MC2R: variants seen among roughly 807,000 people sequenced by gnomAD.
MC2R encodes adrenocorticotropic hormone receptor.
Under a neutral mutation model 9.8 loss-of-function variants are expected in MC2R, and 9 were observed. The observed-to-expected ratio is 0.92, with a 90% CI of 0.55 to 1.60. The LOEUF (loss-of-function observed/expected upper bound fraction) is 1.60, where lower values mean the gene tolerates loss of function less well. Among genes scored for constraint, MC2R ranks in the 40% most tolerant of loss-of-function variants. The probability of loss-of-function intolerance (pLI) is 0.00; values close to 1 mark genes in which losing one functional copy is unlikely to be tolerated. For missense variants in MC2R, 370 were observed against 389.0 expected, an observed-to-expected ratio of 0.95 and a Z score of 0.41; for synonymous variants, 185 against 154.7, an observed-to-expected ratio of 1.20 and a Z score of -1.45.
At chr18:13,909,588 T>C (rs2149143745) in intron 1 of MC2R, among the ~76,000 whole-genome samples, 1 of 152,360 alleles carries the variant, frequency 6.6e-6, no homozygotes, top group South Asian at 2.1e-4. Flanking sequence ...TATGTTTCTA[T>C]CAGTATGAAT....
chr18:13,884,445 C>T lies in MC2R; in HGVS notation c.*180G>A, dbSNP rs1450540417. ...TCCAGTCACAAAGTTAAGAGGTTGCCCCTACAATAAGACTGTTCACATAGA... is the reference window on the plus strand; with the variant it reads ...TCCAGTCACAAAGTTAAGAGGTTGCTCCTACAATAAGACTGTTCACATAGA... On this transcript the variant is annotated 3_prime_UTR_variant, in exon 2 of 2. Transcript: ENST00000327606. 1.8e-5 allele frequency: 12 copies of T among 683,834 alleles called. No homozygotes were observed. Among genetic ancestry groups the T allele is most frequent in the Non-Finnish European group, 3.1e-5 (12 of 386,816 alleles). The allele number at this position is 683,834 out of a possible 1,614,324, so 42.4% of individuals were successfully genotyped here. A position where few individuals can be genotyped will look rare whatever the true frequency, so the allele number is the denominator to read the frequency against.
chr18:13,910,958 T>C (rs1314505561), intron 1 of MC2R, among the ~76,000 whole-genome samples: 1 of 152,242 alleles, frequency 6.6e-6, no homozygotes, highest in East Asian at 1.9e-4. Flanking sequence ...AAATGCTTCC[T>C]TTTTGAATTC....
intron 1 of MC2R, among the ~76,000 whole-genome samples, chr18:13,893,161 C>T (rs935589082): frequency 1.3e-5 from 2 of 152,188 alleles, no homozygotes; most frequent in African/African-American, 4.8e-5. Context: ...TTTGTGATGG[C>T]TTCCACCCAA....
At chr18:13,890,516 G>A (rs1202481874) in intron 1 of MC2R, among the ~76,000 whole-genome samples, 1 of 152,158 alleles carries the variant, frequency 6.6e-6, no homozygotes, top group Non-Finnish European at 1.5e-5. Context: ...GGTGGGAGCT[G>A]TCACGCGGCT....
chr18:13,896,606 G>A (rs1307061645), intron 1 of MC2R, among the ~76,000 whole-genome samples: 2 of 152,068 alleles, frequency 1.3e-5, no homozygotes, highest in East Asian at 1.9e-4. Flanking sequence ...CAAAATCCAG[G>A]TAGCAATTTT....
chr18:13,899,971 C>T lies in MC2R; in HGVS notation c.-128-14325G>A, dbSNP rs190908960. ...CAGAAAAGCACAGAATATCATAACA[C>T]TGTAACTGTGCTGTATGAACTACTC... On this transcript the variant is annotated intron_variant, in intron 1 of 1. Transcript: ENST00000327606. 1.2e-3 allele frequency among the ~76,000 whole-genome samples: 181 copies of T among 152,124 alleles called. 4 individuals are homozygous for T. In the Middle Eastern group the frequency reaches 0.017, roughly 14 times the overall value.
intron 1 of MC2R, among the ~76,000 whole-genome samples, chr18:13,901,719 G>C (rs1446483674): frequency 6.6e-6 from 1 of 151,958 alleles, no homozygotes; most frequent in African/African-American, 2.4e-5. Context: ...ATAACAAATA[G>C]CAAGATTGAA....
chr18:13,902,014 A>G (rs2045383107), intron 1 of MC2R, among the ~76,000 whole-genome samples: 1 of 152,078 alleles, frequency 6.6e-6, no homozygotes, highest in South Asian at 2.1e-4. Flanking sequence ...GGCAAACCAA[A>G]TTCAACAATA....
chr18:13,914,443 A>G (rs1372928740), intron 1 of MC2R, among the ~76,000 whole-genome samples: 3 of 152,154 alleles, frequency 2.0e-5, no homozygotes. Context: ...TCTAGGCATG[A>G]ATGTGTGAGC....
intron 1 of MC2R, among the ~76,000 whole-genome samples, chr18:13,911,435 C>CA (rs2045443824): frequency 6.6e-6 from 1 of 152,188 alleles, no homozygotes; most frequent in Admixed American, 6.5e-5. Context: ...TTTAGTTAGC[C>CA]AAACAAATGC....
At chr18:13,909,454 C>G (rs1279381020) in intron 1 of MC2R, among the ~76,000 whole-genome samples, 1 of 152,164 alleles carries the variant, frequency 6.6e-6, no homozygotes, top group Non-Finnish European at 1.5e-5. Context: ...ATGCATAGCC[C>G]TCACATACAG....
At chr18:13,912,257 A>C (rs1208272188) in intron 1 of MC2R, among the ~76,000 whole-genome samples, 3 of 152,196 alleles carry the variant, frequency 2.0e-5, no homozygotes, top group Non-Finnish European at 4.4e-5. Context: ...CTCCAGTTAC[A>C]CATAAAGGGT....
chr18:13,884,494 T>C lies in MC2R; in HGVS notation c.*131A>G. On this transcript the variant is annotated 3_prime_UTR_variant, in exon 2 of 2. Transcript: ENST00000327606. The stretch of plus-strand genomic sequence containing the variant: ...GAACCTAGCTATTAGAAACACTAGC[T>C]GGTGGGATCATCCTTGCATCCATTA... 1 of 990,434 alleles carries C rather than the reference T, an allele frequency of 1.0e-6. No homozygotes were observed. Among genetic ancestry groups the C allele is most frequent in the South Asian group, 1.3e-5 (1 of 75,698 alleles). The allele number at this position is 990,434 out of a possible 1,614,324, so 61.4% of individuals were successfully genotyped here.
chr18:13,884,957 A>G lies in MC2R; in HGVS notation c.562T>C (p.Phe188Leu). The change falls in exon 2 of 2, where the codon TTC (phenylalanine) becomes CTC (leucine). Residue 188 changes from phenylalanine to leucine, a missense_variant. By Grantham distance (22) the Phe-to-Leu change is conservative (BLOSUM62 0). Coordinates refer to ENST00000327606, the MANE Select transcript of MC2R (RefSeq NM_000529.2). ...ATGTGCACATAGAGGCACAGGATGAAGACCAGCATCAGCGGGAACAGCGAC... is the reference window on the plus strand; with the variant it reads ...ATGTGCACATAGAGGCACAGGATGAGGACCAGCATCAGCGGGAACAGCGAC... ...FTSLFPLMLVFILCLYVHMFL... is the reference protein window; with the variant it reads ...FTSLFPLMLVLILCLYVHMFL... 3 of 1,614,152 alleles carry G rather than the reference A, an allele frequency of 1.9e-6. No homozygotes were observed. Among genetic ancestry groups the G allele is most frequent in the Admixed American group, 3.3e-5 (2 of 60,020 alleles).
intron 1 of MC2R, among the ~76,000 whole-genome samples, chr18:13,915,132 C>T (rs2045468876): frequency 6.6e-6 from 1 of 152,134 alleles, no homozygotes; most frequent in Non-Finnish European, 1.5e-5. Flanking sequence ...GGTGAAGGGG[C>T]TAACTCCAGA....
chr18:13,905,844 C>T (rs1473747765), intron 1 of MC2R, among the ~76,000 whole-genome samples: 20 of 151,766 alleles, frequency 1.3e-4, no homozygotes, highest in Middle Eastern at 6.8e-3. Context: ...GATCACGATG[C>T]CAAGAGATCG....
intron 1 of MC2R, among the ~76,000 whole-genome samples, chr18:13,914,735 A>G (rs763537989): frequency 4.6e-5 from 7 of 152,144 alleles, no homozygotes; most frequent in Non-Finnish European, 8.8e-5. Flanking sequence ...TATGAAGAAG[A>G]GCTGTTTAAT....
At chr18:13,901,991 A>C (rs1274686748) in intron 1 of MC2R, among the ~76,000 whole-genome samples, 1 of 151,978 alleles carries the variant, frequency 6.6e-6, no homozygotes, top group African/African-American at 2.4e-5. Context: ...CGACTGCCCC[A>C]CTGCCAAATA....
Position 13,884,610 on chromosome 18 carries a change from C to G in MC2R, c.*15G>C, listed in dbSNP as rs751689712. On this transcript the variant is annotated 3_prime_UTR_variant, in exon 2 of 2. Transcript: ENST00000327606. ...ACGTTATTCCCATGGATTCTAAAAC[C>G]AGGGATCAGCCATTCTACCAGTACC... The G allele has an allele frequency of 2.5e-6, 4 of 1,610,766 alleles. No homozygotes were observed. Among genetic ancestry groups the G allele is most frequent in the Non-Finnish European group, 2.5e-6 (3 of 1,179,858 alleles).
Sources: gnomAD v4.1 joint callset for allele counts (sites outside exome capture counted in the v4.1 genomes callset) on GRCh38, gnomAD v4.1.1 for gene constraint, MANE v1.5 for transcripts, NCBI Gene and HGNC (gene_info 2026-07-23, HGNC 2026-07-21) for gene names.